ATR: variants seen among roughly 807,000 people sequenced by gnomAD.
The protein encoded by ATR is serine/threonine-protein kinase ATR.
A neutral mutation model predicts 305.3 loss-of-function variants in ATR; 142 were observed. The ratio of observed to expected loss-of-function variants is 0.47; its 90% CI spans 0.41 to 0.53. The LOEUF (loss-of-function observed/expected upper bound fraction) is 0.53. Among genes scored for constraint, ATR ranks in the 20% least tolerant of loss-of-function variants. The pLI, the probability that ATR is intolerant of heterozygous loss-of-function variation, is 0.00. For missense variants in ATR, 2,135 were observed against 3,133.1 expected (o/e 0.68, Z 7.60); for synonymous variants, 1,050 against 1,068.1 (o/e 0.98, Z 0.33).
intron 36 of ATR, among the ~76,000 whole-genome samples, chr3:142,477,159 C>A (rs1474510750): frequency 6.6e-6 from 1 of 152,178 alleles, no homozygotes; most frequent in Non-Finnish European, 1.5e-5. Context: ...GAGAGGGCAT[C>A]CCTGTCTTAT....
chr3:142,507,799 T>A (rs575019608), intron 28 of ATR, 132 bp downstream of exon 28: 1 of 829,724 alleles, frequency 1.2e-6, no homozygotes, highest in East Asian at 2.7e-5. Flanking sequence ...ACCAAATTGA[T>A]GTTTATCTCT....
At position 142,452,163 on chromosome 3, in the gene ATR, T is replaced by A. The variant is rs1398762562; in HGVS notation, c.7761+965A>T. ...AAAGGGTTAAGGATGACATGAAGGA[T>A]GGGGGCGTACAGGTCTAGCCTTCCT... On this transcript the variant is annotated intron_variant, in intron 46 of 46. Transcript: ENST00000350721. 7.9e-6 allele frequency: 8 copies of A among 1,016,408 alleles called. No individual in the cohort carries two copies. In the Admixed American group the frequency reaches 1.7e-4, roughly 21 times the overall value. The allele number at this position is 1,016,408 out of a possible 1,614,324, so 63.0% of individuals were successfully genotyped here.
intron 21 of ATR, among the ~76,000 whole-genome samples, chr3:142,527,648 T>C (rs1045544018): frequency 2.0e-5 from 3 of 152,176 alleles, no homozygotes; most frequent in Admixed American, 2.0e-4. Flanking sequence ...ATATTTCTGC[T>C]TTTATTTTTA....
At chr3:142,529,646 G>A (rs1424688248) in intron 21 of ATR, among the ~76,000 whole-genome samples, 1 of 152,018 alleles carries the variant, frequency 6.6e-6, no homozygotes, top group Non-Finnish European at 1.5e-5. Context: ...ATTCTTGTAG[G>A]TTTAAAACCG....
Position 142,573,963 on chromosome 3 carries a change from A to G in ATR, c.59+4683T>C, listed in dbSNP as rs577027839. Among the ~76,000 whole-genome samples the G allele has an allele frequency of 3.9e-5, 6 of 152,360 alleles. No homozygotes were observed. The South Asian group carries it at 1.2e-3, about 32-fold the overall frequency. The stretch of plus-strand genomic sequence containing the variant: ...TTAGACAAAGTCAGGAGACATTATG[A>G]TAAACCACAGTAATTTCACAAGTAT... On this transcript the variant is annotated intron_variant, in intron 1 of 46. Coordinates refer to ENST00000350721, the MANE Select transcript of ATR (RefSeq NM_001184.4).
At chr3:142,488,921 T>C (rs1378733257) in intron 35 of ATR, among the ~76,000 whole-genome samples, 2 of 152,232 alleles carry the variant, frequency 1.3e-5, no homozygotes, top group African/African-American at 2.4e-5. Context: ...CCAATTTATT[T>C]AGTTCTTTTT....
chr3:142,517,388 A>C (rs2032914012), intron 24 of ATR, among the ~76,000 whole-genome samples: 1 of 152,020 alleles, frequency 6.6e-6, no homozygotes, highest in African/African-American at 2.4e-5. Context: ...GTATAACTTA[A>C]AGGCAGCAAA....
chr3:142,578,310 T>G (rs930141494), intron 1 of ATR, among the ~76,000 whole-genome samples: 1 of 151,644 alleles, frequency 6.6e-6, no homozygotes, highest in Non-Finnish European at 1.5e-5. Flanking sequence ...GAGAAGAAAA[T>G]GAGTGTAGAA....
chr3:142,518,571 A>G (rs185615444), intron 24 of ATR, among the ~76,000 whole-genome samples: 2 of 152,348 alleles, frequency 1.3e-5, no homozygotes, highest in East Asian at 3.9e-4. Context: ...AATAATAATA[A>G]TGCTAAATAA....
In ATR at chr3:142,467,955, A is replaced by G. The variant is rs746803852; in HGVS notation, c.6666T>C (p.Leu2222=). The change falls in exon 39 of 47, where the codon CTT becomes CTC. Residue 2222 remains leucine (L), a synonymous_variant. Coordinates refer to ENST00000350721, the MANE Select transcript of ATR (RefSeq NM_001184.4). ...GTACCGGTTTATTGCACAATTCTAG[A>G]AGCTTATCTGTTAGGCGAGTTGCAT... ...VGDATRLTDK[L]LELCNKPVDG... 1.2e-6 allele frequency: 2 copies of G among 1,612,930 alleles called. No individual in the cohort carries two copies. The highest frequency in any genetic ancestry group is 4.5e-5 in the East Asian group (2 of 44,732).
chr3:142,454,480 G>T (rs957148603), intron 45 of ATR, among the ~76,000 whole-genome samples: 6 of 123,518 alleles, frequency 4.9e-5, no homozygotes, highest in Admixed American at 2.1e-4. Context: ...TCTCGCTGTC[G>T]CCCAGGCTGG....
Position 142,555,969 on chromosome 3 carries a change from T to G in ATR, c.2249A>C (p.Gln750Pro). The G allele has an allele frequency of 6.2e-7, 1 of 1,614,028 alleles. No homozygotes were observed. The highest frequency in any genetic ancestry group is 8.5e-7 in the Non-Finnish European group (1 of 1,179,948). ...TAGTTGAGAAGATGAACATTCATGTTGAGAAGTGGCTTTCAAGTTCCTACA... is the reference window on the plus strand; with the variant it reads ...TAGTTGAGAAGATGAACATTCATGTGGAGAAGTGGCTTTCAAGTTCCTACA... ...LFCRNLKATS[Q>P]HECSSSQLKA... The change falls in exon 10 of 47, where the codon CAA becomes CCA. Residue 750 changes from glutamine (Q) to proline (P), a missense_variant. Around this residue, in one of 9 missense-constraint regions of ATR, gnomAD observed 744 missense variants for 873.2 expected, o/e 0.85. Transcript: ENST00000350721.
chr3:142,504,739 C>T (rs1324246153), intron 29 of ATR, among the ~76,000 whole-genome samples: 1 of 152,186 alleles, frequency 6.6e-6, no homozygotes, highest in Admixed American at 6.5e-5. Context: ...GCTGGGATTA[C>T]AGGCATGAGC....
chr3:142,560,630 G>A (rs1239976219), intron 5 of ATR, among the ~76,000 whole-genome samples, 176 bp from the exon 6 acceptor site: 5 of 151,384 alleles, frequency 3.3e-5, no homozygotes, highest in South Asian at 2.1e-4. Context: ...GCGCCATCTC[G>A]GCTCACTGCA....
intron 36 of ATR, among the ~76,000 whole-genome samples, chr3:142,475,668 G>A (rs866048818): frequency 2.0e-5 from 3 of 152,164 alleles, no homozygotes; most frequent in African/African-American, 7.2e-5. Flanking sequence ...CCGAGGAACC[G>A]CCACAATGAC....
At chr3:142,538,777 C>A in intron 18 of ATR, 152 bp from the exon 19 acceptor site, 2 of 998,294 alleles carry the variant, frequency 2.0e-6, no homozygotes, top group South Asian at 1.8e-5. Context: ...GCTATATATT[C>A]AAATAAAGTG....
intron 25 of ATR, among the ~76,000 whole-genome samples, chr3:142,515,174 A>G (rs568881868): frequency 6.6e-5 from 10 of 152,320 alleles, no homozygotes; most frequent in African/African-American, 2.4e-4. Context: ...CATTAAGACC[A>G]TAGTAATTTT....
intron 17 of ATR, among the ~76,000 whole-genome samples, chr3:142,541,475 G>A (rs1360348556): frequency 1.3e-5 from 2 of 152,050 alleles, no homozygotes; most frequent in Admixed American, 6.6e-5. Context: ...AGTAGTTAAG[G>A]AAATTTTTGT....
intron 27 of ATR, among the ~76,000 whole-genome samples, chr3:142,508,842 T>A (rs1245939065): frequency 6.8e-6 from 1 of 147,600 alleles, no homozygotes; most frequent in South Asian, 2.1e-4. Context: ...GAGAATGGCG[T>A]GAACCTGGGA....
Sources: allele counts gnomAD v4.1 joint callset (sites outside exome capture counted in the v4.1 genomes callset), GRCh38; gene constraint gnomAD v4.1.1; regional missense constraint gnomAD v4.1.1; transcripts MANE v1.5; gene names NCBI Gene and HGNC (gene_info 2026-07-23, HGNC 2026-07-21).